Variants in CCSER1 observed in about 807,000 individuals in gnomAD.
The protein encoded by CCSER1 is coiled-coil serine rich protein 1.
A neutral mutation model predicts 82.0 loss-of-function variants in CCSER1; 41 were observed. That is an observed-to-expected ratio of 0.50 (90% CI 0.39 to 0.65). The LOEUF (loss-of-function observed/expected upper bound fraction) is 0.65. CCSER1 is among the 30% of genes least tolerant of loss of function. The pLI, the probability that CCSER1 is intolerant of heterozygous loss-of-function variation, is 0.00. For synonymous variants in CCSER1, 414 were observed against 383.9 expected (o/e 1.08, Z -0.92); for missense variants, 1,119 against 1,064.2 (o/e 1.05, Z -0.72).
At chr4:90,657,692 A>T (rs762589065) in intron 6 of CCSER1, among the ~76,000 whole-genome samples, 1 of 152,156 alleles carries the variant, frequency 6.6e-6, no homozygotes, top group Admixed American at 6.5e-5. Context: ...TTCAATTATC[A>T]TATGTTTTAG....
chr4:91,396,351 CTGA>C (rs1751978932), intron 10 of CCSER1, among the ~76,000 whole-genome samples: 1 of 152,054 alleles, frequency 6.6e-6, no homozygotes, highest in Middle Eastern at 3.2e-3. Context: ...AGTTTTAAGT[CTGA>C]TGATGATATC....
intron 10 of CCSER1, among the ~76,000 whole-genome samples, chr4:91,413,802 A>T (rs1753202199): frequency 6.6e-6 from 1 of 152,054 alleles, no homozygotes; most frequent in Admixed American, 6.6e-5. Context: ...AAGCAACAAG[A>T]CTTGTCACAT....
chr4:90,586,841 T>C (rs1163522665), intron 5 of CCSER1, among the ~76,000 whole-genome samples: 1 of 152,224 alleles, frequency 6.6e-6, no homozygotes, highest in Non-Finnish European at 1.5e-5. Flanking sequence ...TATGATGCTG[T>C]AGTAGGCAGA....
chr4:90,453,811 G>C (rs1761814151), intron 4 of CCSER1, among the ~76,000 whole-genome samples: 1 of 152,180 alleles, frequency 6.6e-6, no homozygotes, highest in Non-Finnish European at 1.5e-5. Context: ...GTAGCACTAA[G>C]AGAGAAGGGA....
intron 10 of CCSER1, among the ~76,000 whole-genome samples, chr4:91,317,465 C>T (rs953379207): frequency 6.6e-6 from 1 of 151,962 alleles, no homozygotes; most frequent in Non-Finnish European, 1.5e-5. Context: ...TTGCCCCACT[C>T]TTCATATATT....
chr4:90,812,385 A>C (rs570823694), intron 7 of CCSER1, among the ~76,000 whole-genome samples: 2 of 152,288 alleles, frequency 1.3e-5, no homozygotes, highest in Middle Eastern at 3.4e-3. Context: ...AGTATTAACC[A>C]TCACACCAGC....
At chr4:90,262,969 G>A (rs986767592) in intron 1 of CCSER1, among the ~76,000 whole-genome samples, 2 of 152,158 alleles carry the variant, frequency 1.3e-5, no homozygotes, top group African/African-American at 4.8e-5. Flanking sequence ...TCCTCGCTGA[G>A]TTCCTGTGGG....
At chr4:90,171,687 A>G (rs766331266) in intron 1 of CCSER1, among the ~76,000 whole-genome samples, 1 of 151,928 alleles carries the variant, frequency 6.6e-6, no homozygotes, top group Non-Finnish European at 1.5e-5. Flanking sequence ...TTTACTTAGC[A>G]GCACAATGAG....
At chr4:91,112,702 T>C (rs1031587398) in intron 10 of CCSER1, 1 of 152,202 alleles carries the variant, frequency 6.6e-6, no homozygotes, top group Non-Finnish European at 1.5e-5. Flanking sequence ...TGAATGAGTT[T>C]GTGTCTTCAT....
At chr4:91,215,342 A>T (rs551981602) in intron 10 of CCSER1, among the ~76,000 whole-genome samples, 1 of 152,326 alleles carries the variant, frequency 6.6e-6, no homozygotes, top group African/African-American at 2.4e-5. Flanking sequence ...ATACATATTT[A>T]TTAATGTATT....
Position 91,163,396 on chromosome 4 carries a change from A to C in CCSER1, c.2217+77402A>C, listed in dbSNP as rs924966693. Among the ~76,000 whole-genome samples, 11 of 151,974 alleles carry C rather than the reference A, an allele frequency of 7.2e-5. 1 individual carries two copies. Among genetic ancestry groups the C allele is most frequent in the Admixed American group, 6.6e-4 (10 of 15,250 alleles). Reference sequence around the variant, plus strand: ...TAAGTGTGATGTGGTGCTGACAAGAATGTATATTCTGTTGATTTGGGGTGG... The same window carrying C: ...TAAGTGTGATGTGGTGCTGACAAGACTGTATATTCTGTTGATTTGGGGTGG... On this transcript the variant is annotated intron_variant, in intron 10 of 10. Coordinates refer to ENST00000509176, the MANE Select transcript of CCSER1 (RefSeq NM_001145065.2).
intron 9 of CCSER1, among the ~76,000 whole-genome samples, chr4:91,082,431 A>T (rs1343698432): frequency 6.6e-6 from 1 of 152,220 alleles, no homozygotes; most frequent in Non-Finnish European, 1.5e-5. Context: ...AAAGACTTAA[A>T]TGTCAGACCT....
chr4:90,399,658 T>C (rs772762496), intron 3 of CCSER1, among the ~76,000 whole-genome samples: 73 of 152,118 alleles, frequency 4.8e-4, no homozygotes, highest in Non-Finnish European at 8.5e-4. Flanking sequence ...TCCTTTTTAA[T>C]ATCACTAAAG....
chr4:91,289,617 A>G (rs1356682722), intron 10 of CCSER1, among the ~76,000 whole-genome samples: 2 of 151,984 alleles, frequency 1.3e-5, no homozygotes, highest in African/African-American at 4.8e-5. Context: ...CAAGGAGAGA[A>G]TTATGAACTT....
chr4:91,209,940 A>G (rs183509890), intron 10 of CCSER1, among the ~76,000 whole-genome samples: 12 of 151,956 alleles, frequency 7.9e-5, no homozygotes, highest in Admixed American at 7.9e-4. Context: ...TGCAATGAGC[A>G]TACCTACCAC....
intron 10 of CCSER1, among the ~76,000 whole-genome samples, chr4:91,188,157 A>G (rs1446934875): frequency 2.0e-5 from 3 of 152,154 alleles, no homozygotes; most frequent in Non-Finnish European, 4.4e-5. Flanking sequence ...GCTAGGGTAA[A>G]CTTTGCATAA....
At chr4:90,953,577 A>G (rs1221673364) in intron 9 of CCSER1, among the ~76,000 whole-genome samples, 1 of 151,522 alleles carries the variant, frequency 6.6e-6, no homozygotes, top group Non-Finnish European at 1.5e-5. Context: ...TGCATTCATT[A>G]CAATATATAA....
intron 10 of CCSER1, among the ~76,000 whole-genome samples, chr4:91,418,056 C>T (rs949071281): frequency 2.0e-5 from 3 of 151,640 alleles, no homozygotes; most frequent in Non-Finnish European, 2.9e-5. Flanking sequence ...ACATAACTTA[C>T]CAGAATGTAT....
intron 1 of CCSER1, among the ~76,000 whole-genome samples, chr4:90,219,584 A>C (rs1295619756): frequency 1.3e-5 from 2 of 152,054 alleles, no homozygotes; most frequent in Non-Finnish European, 2.9e-5. Flanking sequence ...TATCTGTCTC[A>C]CTTGTGAGTT....
Sources: allele counts gnomAD v4.1 joint callset (sites outside exome capture counted in the v4.1 genomes callset), GRCh38; gene constraint gnomAD v4.1.1; transcripts MANE v1.5; gene names NCBI Gene and HGNC (gene_info 2026-07-23, HGNC 2026-07-21).